The following WDR91 variants were observed in gnomAD, a reference collection of about 807,000 sequenced individuals.
WDR91 encodes WD repeat-containing protein 91.
A neutral mutation model predicts 88.4 loss-of-function variants in WDR91; 52 were observed. The observed-to-expected ratio is 0.59, with a 90% confidence interval of 0.47 to 0.74. The LOEUF (loss-of-function observed/expected upper bound fraction) is 0.74. WDR91 is among the 30% of genes least tolerant of loss of function. The probability of loss-of-function intolerance (pLI) is 0.00; values close to 1 mark genes in which losing one functional copy is unlikely to be tolerated. For missense variants in WDR91, 824 were observed against 954.5 expected (o/e 0.86, Z 1.80); for synonymous variants, 362 against 389.5 (o/e 0.93, Z 0.83).
Position 135,209,612 on chromosome 7 carries a change from G to T in WDR91, c.267C>A (p.Thr89=). Residue 89 remains threonine, a synonymous_variant, in exon 2 of 15, where the codon ACC becomes ACA. Transcript: ENST00000354475. ...AGACAAGATAAAATCGAAACAGGCT[G>T]GTTTTCAGCTTGTGGATTGTGGGTC... The part of the protein sequence containing the change: ...IYRPTIHKLK[T]SLFRFYLVYT... 1 of 1,610,224 alleles carries T rather than the reference G, an allele frequency of 6.2e-7. No homozygotes were observed. Among genetic ancestry groups the T allele is most frequent in the Non-Finnish European group, 8.5e-7 (1 of 1,178,044 alleles).
At chr7:135,205,814 C>T (rs1294342376) in intron 5 of WDR91, 114 bp downstream of exon 5, 19 of 1,491,128 alleles carry the variant, frequency 1.3e-5, no homozygotes, top group East Asian at 2.3e-5. Context: ...GAGGCTCTTC[C>T]GCAATTCTCC....
At chr7:135,210,479 G>A (rs1274437717) in intron 1 of WDR91, among the ~76,000 whole-genome samples, 3 of 152,242 alleles carry the variant, frequency 2.0e-5, no homozygotes, top group Non-Finnish European at 2.9e-5. Context: ...GGATCATGAG[G>A]AGGTGCATGG....
chr7:135,189,438 C>T lies in WDR91; in HGVS notation c.1674G>A (p.Leu558=), dbSNP rs777933861. 2 of 1,613,770 alleles carry T rather than the reference C, an allele frequency of 1.2e-6. No individual in the cohort carries two copies. Among genetic ancestry groups the T allele is most frequent in the Admixed American group, 1.7e-5 (1 of 59,986 alleles). The change falls in exon 12 of 15, where the codon CTG becomes CTA. Residue 558 remains leucine, a synonymous_variant. Coordinates refer to ENST00000354475, the MANE Select transcript of WDR91 (RefSeq NM_014149.4). Reference sequence around the variant, plus strand: ...AGTTGATAGCAATGGGTTCTGGATCCAGGGAGAACTGGAGCTATTGAAATA... The same window carrying T: ...AGTTGATAGCAATGGGTTCTGGATCTAGGGAGAACTGGAGCTATTGAAATA... ...KTMKQQLQFS[L]DPEPIAINCT...
intron 11 of WDR91, among the ~76,000 whole-genome samples, chr7:135,189,907 A>G (rs1465060615): frequency 6.6e-6 from 1 of 152,236 alleles, no homozygotes; most frequent in Non-Finnish European, 1.5e-5. Flanking sequence ...CTCATAGAAC[A>G]TAATGTCTAT....
intron 7 of WDR91, 40 bp downstream of exon 7, chr7:135,197,953 T>C (rs771520390): frequency 6.3e-7 from 1 of 1,597,628 alleles, no homozygotes; most frequent in South Asian, 1.1e-5. Flanking sequence ...CCTCAGTAGC[T>C]GCATGAGTGT....
intron 9 of WDR91, 75 bp downstream of exon 9, chr7:135,194,859 C>T: frequency 6.4e-7 from 1 of 1,572,174 alleles, no homozygotes; most frequent in Non-Finnish European, 8.6e-7. Flanking sequence ...GCTGTCTTGA[C>T]TCAGCCGGTG....
chr7:135,186,349 G>A (rs1830941187), intron 14 of WDR91, 34 bp from the exon 15 acceptor site: 6 of 1,601,462 alleles, frequency 3.7e-6, no homozygotes, highest in Non-Finnish European at 5.1e-6. Context: ...GGAGGTGTCA[G>A]CAAACACCAG....
In WDR91 at chr7:135,185,974, C is replaced by T. The variant is rs1830920777; in HGVS notation, c.*177G>A. The stretch of plus-strand genomic sequence containing the variant: ...TGGGAAGCATATGTCACCTACTCCA[C>T]GTGGGTCCCATTCCAGTCACCACAG... On this transcript the variant is annotated 3_prime_UTR_variant, in exon 15 of 15. Coordinates refer to ENST00000354475, the MANE Select transcript of WDR91 (RefSeq NM_014149.4). The T allele has an allele frequency of 4.7e-6, 3 of 636,684 alleles. No homozygotes were observed. Among genetic ancestry groups the T allele is most frequent in the Admixed American group, 3.9e-5 (1 of 25,542 alleles). 39.4% of individuals were successfully genotyped at this position (636,684 alleles called of 1,614,324 possible).
intron 1 of WDR91, 58 bp downstream of exon 1, chr7:135,211,322 C>T: frequency 1.3e-6 from 2 of 1,557,864 alleles, no homozygotes; most frequent in Middle Eastern, 2.1e-4. Context: ...TGGGGGGAAG[C>T]CCGCTCCCCG....
chr7:135,184,075 A>G lies in WDR91; in HGVS notation c.*2076T>C, dbSNP rs1830852470. The G allele has an allele frequency of 1.3e-5, 2 of 152,176 alleles. No individual in the cohort carries two copies. The highest frequency in any genetic ancestry group is 6.5e-5 in the Admixed American group (1 of 15,276). The allele number at this position is 152,176 out of a possible 1,614,324, so 9.4% of individuals were successfully genotyped here. On this transcript the variant is annotated 3_prime_UTR_variant, in exon 15 of 15. Coordinates refer to ENST00000354475, the MANE Select transcript of WDR91 (RefSeq NM_014149.4). ...CACTTTTTAAATGTCCTACAGAATC[A>G]CTGGGTGAGATAAGTAAGATCACTG...
chr7:135,187,953 C>A (rs1304982090), intron 13 of WDR91, among the ~76,000 whole-genome samples: 1 of 152,222 alleles, frequency 6.6e-6, no homozygotes, highest in East Asian at 1.9e-4. Context: ...CCAGCTCCCC[C>A]TCTGAGGCAG....
rs771339314 is a variant in WDR91, at chr7:135,186,972, C to G, written c.2079G>C (p.Lys693Asn). ...TCSATGGVIYKLGGDEKVLES... is the reference protein window; with the variant it reads ...TCSATGGVIYNLGGDEKVLES... ...CCTCCCACCCCCAACCATCAGTTAC[C>G]TTGTAGATGACGCCGCCTGTGGCAG... Residue 693 changes from lysine (K) to asparagine (N), a missense_variant and splice_region_variant, in exon 14 of 15, where the codon AAG (lysine) becomes AAC (asparagine). Coordinates refer to ENST00000354475, the MANE Select transcript of WDR91 (RefSeq NM_014149.4). 1 of 1,613,504 alleles carries G rather than the reference C, an allele frequency of 6.2e-7. No homozygotes were observed. The highest frequency in any genetic ancestry group is 8.5e-7 in the Non-Finnish European group (1 of 1,180,048).
At chr7:135,189,289 A>C in intron 12 of WDR91, 55 bp downstream of exon 12, 1 of 1,552,038 alleles carries the variant, frequency 6.4e-7, no homozygotes, top group East Asian at 2.3e-5. Flanking sequence ...TCGGCAAAAA[A>C]AATTGCCTGG....
In WDR91 at chr7:135,193,605, TCA is replaced by T. The variant is rs752822228; in HGVS notation, c.1461_1462del (p.Cys487Ter). On this transcript the variant is annotated stop_gained and frameshift_variant, in exon 10 of 15. Coordinates refer to ENST00000354475, the MANE Select transcript of WDR91 (RefSeq NM_014149.4). LOFTEE classifies it high-confidence loss of function. The stretch of plus-strand genomic sequence containing the variant: ...GGGCATGTTGTCGTTGATATTGATT[TCA>T]CAGAGATTCTTCTTGGCTTCCGTGT... 1.2e-6 allele frequency: 2 copies of T among 1,614,212 alleles called. No individual in the cohort carries two copies. The highest frequency in any genetic ancestry group is 1.7e-6 in the Non-Finnish European group (2 of 1,180,032).
chr7:135,198,162 A>AGAAG lies in WDR91; in HGVS notation c.892-15_892-12dup, dbSNP rs779664524. ...CTTTCCCTTGGTGCCCTAGAGGAAAAGAAGCTGGCTGTGAAGTCTCTTCCC... is the reference window on the plus strand; with the variant it reads ...CTTTCCCTTGGTGCCCTAGAGGAAAAGAAGGAAGCTGGCTGTGAAGTCTCTTCCC... On this transcript the variant is annotated splice_polypyrimidine_tract_variant and intron_variant, in intron 6 of 14. Coordinates refer to ENST00000354475, the MANE Select transcript of WDR91 (RefSeq NM_014149.4). 2 of 1,608,108 alleles carry AGAAG rather than the reference A, an allele frequency of 1.2e-6. No individual in the cohort carries two copies. Among genetic ancestry groups the AGAAG allele is most frequent in the Admixed American group, 3.3e-5 (2 of 59,936 alleles).
In WDR91 at chr7:135,192,292, G is replaced by GT. The variant is rs1831199642; in HGVS notation, c.1659+938dup. ...ACCACCACACCTGGCTAATTTTTAA[G>GT]TTTTTTGTAGAGACAAGGGCTCACT... On this transcript the variant is annotated intron_variant, in intron 11 of 14. Transcript: ENST00000354475. Among the ~76,000 whole-genome samples the GT allele has an allele frequency of 3.3e-5, 5 of 152,072 alleles. No homozygotes were observed. In the South Asian group the frequency reaches 8.3e-4, roughly 25 times the overall value.
Position 135,186,062 on chromosome 7 carries a change from T to C in WDR91, c.*89A>G, listed in dbSNP as rs748889344. On this transcript the variant is annotated 3_prime_UTR_variant, in exon 15 of 15. Transcript: ENST00000354475. ...CAGAGTCACTGCACTGGCAGGGAGCTGGAGTGGAGCACGTGGTTTTCCTGT... is the reference window on the plus strand; with the variant it reads ...CAGAGTCACTGCACTGGCAGGGAGCCGGAGTGGAGCACGTGGTTTTCCTGT... 3.5e-6 allele frequency: 5 copies of C among 1,411,998 alleles called. No homozygotes were observed. Among genetic ancestry groups the C allele is most frequent in the Non-Finnish European group, 4.7e-6 (5 of 1,061,558 alleles). 87.5% of individuals were successfully genotyped at this position (1,411,998 alleles called of 1,614,324 possible).
chr7:135,192,859 A>G (rs1831219787), intron 11 of WDR91, among the ~76,000 whole-genome samples: 1 of 152,144 alleles, frequency 6.6e-6, no homozygotes, highest in South Asian at 2.1e-4. Flanking sequence ...CCTGGGAGCA[A>G]GTTCACAGGC....
rs939994168 is a variant in WDR91, at chr7:135,198,229, C to G, written c.892-78G>C. On this transcript the variant is annotated intron_variant, in intron 6 of 14. Coordinates refer to ENST00000354475, the MANE Select transcript of WDR91 (RefSeq NM_014149.4). ...ATAAGCATGCCAGGAGTGGTCAGCC[C>G]TGGGCGGGGGGGCGTGGTGGGTTGG... is the stretch of plus-strand genomic sequence containing the variant. 3 of 1,516,776 alleles carry G rather than the reference C, an allele frequency of 2.0e-6. No homozygotes were observed. In the African/African-American group the frequency reaches 4.1e-5, roughly 21 times the overall value. The allele number at this position is 1,516,776 out of a possible 1,614,324, so 94.0% of individuals were successfully genotyped here. A position where few individuals can be genotyped will look rare whatever the true frequency, so the allele number is the denominator to read the frequency against.
Sources: gnomAD v4.1 joint callset for allele counts (sites outside exome capture counted in the v4.1 genomes callset) on GRCh38, gnomAD v4.1.1 for gene constraint, MANE v1.5 for transcripts, NCBI Gene and HGNC (gene_info 2026-07-23, HGNC 2026-07-21) for gene names.